Variants in ST3GAL2 observed in about 807,000 individuals in gnomAD.
The protein encoded by ST3GAL2 is ST3 beta-galactoside alpha-2,3-sialyltransferase 2.
ST3GAL2 carries 16 observed loss-of-function variants against 37.5 expected under a neutral mutation model. The observed-to-expected ratio is 0.43, with a 90% CI of 0.29 to 0.65. ST3GAL2 has a LOEUF of 0.65. Ranked by LOEUF, ST3GAL2 falls within the 30% of genes least tolerant of loss-of-function variation. ST3GAL2 has a pLI of 0.17. For missense variants in ST3GAL2, 383 were observed against 487.8 expected, an observed-to-expected ratio of 0.79 and a Z score of 2.02; for synonymous variants, 238 against 202.9, an observed-to-expected ratio of 1.17 and a Z score of -1.47.
At chr16:70,385,822 C>T (rs1360112718) in intron 4 of ST3GAL2, among the ~76,000 whole-genome samples, 1 of 150,016 alleles carries the variant, frequency 6.7e-6, no homozygotes, top group Non-Finnish European at 1.5e-5. Context: ...GATCCTCCCA[C>T]CTCATCCTTG....
rs747047244 is a variant in ST3GAL2, at chr16:70,395,104, G to T, written c.411C>A (p.Gly137=). The T allele has an allele frequency of 1.2e-6, 2 of 1,613,708 alleles. No homozygotes were observed. Among genetic ancestry groups the T allele is most frequent in the African/African-American group, 2.7e-5 (2 of 74,940 alleles). ...GGTCCCGGAAGCGGTAGGGGTTCTC[G>T]CCAGGCACTATCTGGAACAGCTTCT... ...VLEKLFQIVP[G]ENPYRFRDPH... Residue 137 remains glycine, a synonymous_variant, in exon 3 of 7, where the codon GGC becomes GGA. Transcript: ENST00000342907.
chr16:70,436,392 A>G (rs918269568), intron 1 of ST3GAL2, among the ~76,000 whole-genome samples: 3 of 149,360 alleles, frequency 2.0e-5, no homozygotes, highest in Non-Finnish European at 4.4e-5. Flanking sequence ...CAGAGGCTGC[A>G]GTGAGCCGAG....
At chr16:70,411,655 A>C (rs1257825302) in intron 1 of ST3GAL2, among the ~76,000 whole-genome samples, 1 of 152,090 alleles carries the variant, frequency 6.6e-6, no homozygotes. Flanking sequence ...TTTCCAGTTT[A>C]AGTCATTGTG....
intron 1 of ST3GAL2, among the ~76,000 whole-genome samples, chr16:70,431,611 A>G (rs2047790295): frequency 6.6e-6 from 1 of 151,940 alleles, no homozygotes; most frequent in African/African-American, 2.4e-5. Context: ...GATCACTTGA[A>G]GCCAGGAGTT....
intron 1 of ST3GAL2, among the ~76,000 whole-genome samples, chr16:70,431,857 G>C (rs567216031): frequency 2.0e-5 from 3 of 152,016 alleles, no homozygotes; most frequent in South Asian, 4.2e-4. Flanking sequence ...CCAGCTACTC[G>C]GGAGGCTGAG....
chr16:70,385,343 TAG>T (rs1339215331), intron 4 of ST3GAL2, among the ~76,000 whole-genome samples: 2 of 151,810 alleles, frequency 1.3e-5, no homozygotes, highest in African/African-American at 2.4e-5. Context: ...AGTTAAATCA[TAG>T]AGACAGAAAG....
chr16:70,414,857 A>G lies in ST3GAL2; in HGVS notation c.-1003-15324T>C, dbSNP rs562305297. 1.9e-3 allele frequency among the ~76,000 whole-genome samples: 287 copies of G among 149,104 alleles called. 1 individual carries two copies. The highest frequency in any genetic ancestry group is 0.01 in the South Asian group (49 of 4,776). ...CCAGATAATTTTTCTATTATTATTT[A>G]TTTATTTATTTATTTATTATTTATT... On this transcript the variant is annotated intron_variant, in intron 1 of 6. Transcript: ENST00000342907.
chr16:70,410,457 G>A (rs1457644493), intron 1 of ST3GAL2, among the ~76,000 whole-genome samples: 3 of 151,096 alleles, frequency 2.0e-5, no homozygotes, highest in African/African-American at 7.3e-5. Context: ...GCTTCACCAT[G>A]TTAGCCAGGA....
At position 70,398,440 on chromosome 16, in the gene ST3GAL2, T is replaced by C; in HGVS notation, c.91A>G (p.Met31Val). The change falls in exon 2 of 7, where the codon ATG becomes GTG. Residue 31 changes from methionine (M) to valine (V), a missense_variant. This residue lies in a region of ST3GAL2 where 223 missense variants were observed against 239.1 expected (regional missense o/e 0.93). Coordinates refer to ENST00000342907, the MANE Select transcript of ST3GAL2 (RefSeq NM_006927.4). The stretch of plus-strand genomic sequence containing the variant: ...GAGTCCAGGTAGGGGAGCGTGGCCA[T>C]GCTGTGGTGCGAGTAGGTGAAGAGC... ...SLLFTYSHHS[M>V]ATLPYLDSGA... is the part of the protein sequence containing the mutation. The C allele has an allele frequency of 1.2e-6, 2 of 1,613,644 alleles. No individual in the cohort carries two copies. The highest frequency in any genetic ancestry group is 1.1e-5 in the South Asian group (1 of 91,090).
chr16:70,430,568 C>G (rs985113296), intron 1 of ST3GAL2, among the ~76,000 whole-genome samples: 1 of 152,226 alleles, frequency 6.6e-6, no homozygotes, highest in Admixed American at 6.5e-5. Context: ...TTCCTCTCCT[C>G]ACCATCTCCT....
At chr16:70,418,926 C>T (rs558443449) in intron 1 of ST3GAL2, among the ~76,000 whole-genome samples, 153 of 152,126 alleles carry the variant, frequency 1.0e-3, no homozygotes, top group Non-Finnish European at 1.4e-3. Context: ...GGAACAACCC[C>T]GAGCAAGGGC....
At chr16:70,392,137 C>T (rs2047486134) in intron 3 of ST3GAL2, among the ~76,000 whole-genome samples, 2 of 152,248 alleles carry the variant, frequency 1.3e-5, no homozygotes, top group Non-Finnish European at 2.9e-5. Flanking sequence ...CAGAGCCTGG[C>T]CCTCCCTCAT....
chr16:70,397,608 TC>T (rs2047525697), intron 2 of ST3GAL2, among the ~76,000 whole-genome samples: 1 of 151,700 alleles, frequency 6.6e-6, no homozygotes, highest in Admixed American at 6.6e-5. Flanking sequence ...TGCCTATAAT[TC>T]CAGCTACTTG....
intron 1 of ST3GAL2, among the ~76,000 whole-genome samples, chr16:70,414,677 G>C (rs1442122367): frequency 6.6e-6 from 1 of 151,520 alleles, no homozygotes; most frequent in Non-Finnish European, 1.5e-5. Flanking sequence ...CCAAGATTCT[G>C]TTTGTTTATT....
intron 1 of ST3GAL2, among the ~76,000 whole-genome samples, chr16:70,410,240 CTTTTTTTTTTTTTTTT>C (rs751045679): frequency 1.1e-4 from 7 of 62,664 alleles, no homozygotes; most frequent in Non-Finnish European, 1.7e-4. Context: ...CCACCCTCAC[CTTTTTTTTTTTTTTTT>C]TTTTTTTTTT....
chr16:70,426,197 T>TG (rs1299988940), intron 1 of ST3GAL2, among the ~76,000 whole-genome samples: 2 of 140,064 alleles, frequency 1.4e-5, no homozygotes, highest in African/African-American at 5.2e-5. Flanking sequence ...TTTTTTTTTT[T>TG]TTTTTTTTGT....
At chr16:70,415,896 C>G (rs1380943823) in intron 1 of ST3GAL2, among the ~76,000 whole-genome samples, 1 of 151,546 alleles carries the variant, frequency 6.6e-6, no homozygotes, top group Non-Finnish European at 1.5e-5. Context: ...CTGCCTCAGC[C>G]TCCTGAGTAG....
At chr16:70,424,012 C>T (rs1275836607) in intron 1 of ST3GAL2, among the ~76,000 whole-genome samples, 1 of 151,652 alleles carries the variant, frequency 6.6e-6, no homozygotes, top group Non-Finnish European at 1.5e-5. Context: ...GAGCCAAGAT[C>T]GTGCCACTGC....
chr16:70,410,533 G>A (rs1038893342), intron 1 of ST3GAL2, among the ~76,000 whole-genome samples: 5 of 151,736 alleles, frequency 3.3e-5, no homozygotes, highest in Admixed American at 2.0e-4. Context: ...GATTACAGGC[G>A]AGAGCCAACA....
Sources: gnomAD v4.1 joint callset for allele counts (sites outside exome capture counted in the v4.1 genomes callset) on GRCh38, gnomAD v4.1.1 for gene constraint, gnomAD v4.1.1 regional missense constraint, MANE v1.5 for transcripts, NCBI Gene and HGNC (gene_info 2026-07-23, HGNC 2026-07-21) for gene names.